Variants in SNTG1 observed in about 807,000 individuals in gnomAD.
The protein encoded by SNTG1 is syntrophin gamma 1.
A neutral mutation model predicts 74.7 loss-of-function variants in SNTG1; 39 were observed. The observed-to-expected ratio is 0.52, with a 90% CI of 0.40 to 0.68. SNTG1 has a LOEUF of 0.68. Ranked by LOEUF, SNTG1 falls within the 30% of genes least tolerant of loss-of-function variation. SNTG1 has a pLI of 0.00. For synonymous variants in SNTG1, 254 were observed against 217.1 expected (o/e 1.17, Z -1.49); for missense variants, 685 against 609.5 (o/e 1.12, Z -1.30).
At chr8:49,962,209 C>T (rs1256847326) in intron 1 of SNTG1, among the ~76,000 whole-genome samples, 1 of 151,764 alleles carries the variant, frequency 6.6e-6, no homozygotes, top group Non-Finnish European at 1.5e-5. Context: ...TCAGATGAGG[C>T]GGCTAGTTGG....
At chr8:50,509,877 CT>C (rs954210608) in intron 9 of SNTG1, among the ~76,000 whole-genome samples, 28 of 152,180 alleles carry the variant, frequency 1.8e-4, no homozygotes, top group African/African-American at 6.3e-4. Flanking sequence ...GACAATTTGA[CT>C]TCCTCTTTTC....
At chr8:50,620,128 G>A (rs2131038285) in intron 13 of SNTG1, among the ~76,000 whole-genome samples, 1 of 152,164 alleles carries the variant, frequency 6.6e-6, no homozygotes, top group South Asian at 2.1e-4. Flanking sequence ...TCCTATGACT[G>A]GCATCCTGCT....
At chr8:50,341,611 A>C (rs1587220285) in intron 2 of SNTG1, among the ~76,000 whole-genome samples, 1 of 152,050 alleles carries the variant, frequency 6.6e-6, no homozygotes, top group Non-Finnish European at 1.5e-5. Flanking sequence ...GGAAAGAAAA[A>C]ATTACCCAAC....
chr8:50,184,469 C>A (rs1267656466), intron 2 of SNTG1, among the ~76,000 whole-genome samples: 1 of 152,062 alleles, frequency 6.6e-6, no homozygotes, highest in Non-Finnish European at 1.5e-5. Context: ...CGGCCTACAT[C>A]TTAAAATTAA....
At chr8:50,566,427 A>G (rs1228972379) in intron 12 of SNTG1, among the ~76,000 whole-genome samples, 1 of 152,048 alleles carries the variant, frequency 6.6e-6, no homozygotes, top group Non-Finnish European at 1.5e-5. Context: ...AACCATTTCC[A>G]CAAGTCTCTA....
At chr8:50,748,943 A>T (rs2095561139) in intron 17 of SNTG1, among the ~76,000 whole-genome samples, 1 of 152,112 alleles carries the variant, frequency 6.6e-6, no homozygotes, top group East Asian at 2.0e-4. Context: ...CCTGCAATGG[A>T]CTTTCTAAGC....
intron 1 of SNTG1, among the ~76,000 whole-genome samples, chr8:49,976,554 A>C (rs954698289): frequency 6.6e-6 from 1 of 152,210 alleles, no homozygotes; most frequent in African/African-American, 2.4e-5. Flanking sequence ...TTTGGCACAG[A>C]ATATTTAAAT....
chr8:49,989,402 A>T (rs764967857), intron 1 of SNTG1, among the ~76,000 whole-genome samples: 5 of 151,956 alleles, frequency 3.3e-5, no homozygotes, highest in Admixed American at 6.5e-5. Flanking sequence ...TGACTCAAAA[A>T]ACAGAAAATC....
intron 2 of SNTG1, among the ~76,000 whole-genome samples, chr8:50,303,185 C>T (rs2089727587): frequency 6.6e-6 from 1 of 152,054 alleles, no homozygotes; most frequent in African/African-American, 2.4e-5. Flanking sequence ...TCACAATGGA[C>T]TCCCTGATTA....
At chr8:50,174,995 G>T (rs1415169179) in intron 2 of SNTG1, among the ~76,000 whole-genome samples, 1 of 151,768 alleles carries the variant, frequency 6.6e-6, no homozygotes, top group Non-Finnish European at 1.5e-5. Context: ...AGTTTGCTGA[G>T]AATGATGGTT....
chr8:50,498,749 C>CT (rs1413294562), intron 8 of SNTG1, among the ~76,000 whole-genome samples: 1 of 151,880 alleles, frequency 6.6e-6, no homozygotes, highest in Non-Finnish European at 1.5e-5. Context: ...TTGATTCACT[C>CT]TGAGTTAGTA....
rs1417463501 is a variant in SNTG1, at chr8:50,139,488, C to T, written c.-102-33073C>T. 2.0e-5 allele frequency among the ~76,000 whole-genome samples: 3 copies of T among 152,146 alleles called. No individual in the cohort carries two copies. The East Asian group carries it at 5.8e-4, about 29-fold the overall frequency. On this transcript the variant is annotated intron_variant, in intron 1 of 18. Transcript: ENST00000642720. ...CAATATGTAAGACGGTGTCATTAAC[C>T]TAGAAAACAGAATGCCTGTGTCATG...
upstream of SNTG1, among the ~76,000 whole-genome samples, chr8:49,910,573 G>A (rs940230429): frequency 6.6e-6 from 1 of 152,178 alleles, no homozygotes; most frequent in Non-Finnish European, 1.5e-5. Context: ...CCGTTGCCGA[G>A]TGTGGGTGGC....
intron 12 of SNTG1, among the ~76,000 whole-genome samples, chr8:50,560,749 C>G (rs116342082): frequency 0.034 from 5,126 of 152,102 alleles, 139 homozygotes; most frequent in African/African-American, 0.065. Flanking sequence ...TCAAGAAGAA[C>G]AGCTAATGGG....
At chr8:50,504,419 A>T (rs1013735661) in intron 9 of SNTG1, among the ~76,000 whole-genome samples, 3 of 152,110 alleles carry the variant, frequency 2.0e-5, no homozygotes, top group South Asian at 2.1e-4. Flanking sequence ...CAGTTTTGTA[A>T]TTTTATTTTA....
At chr8:50,173,057 A>G (rs1165927963) in intron 2 of SNTG1, among the ~76,000 whole-genome samples, 2 of 149,604 alleles carry the variant, frequency 1.3e-5, no homozygotes, top group Admixed American at 1.3e-4. Context: ...ATTTTCTGAG[A>G]AGGGCAGACA....
intron 2 of SNTG1, among the ~76,000 whole-genome samples, chr8:50,199,443 C>A (rs1381816433): frequency 6.6e-6 from 1 of 152,030 alleles, no homozygotes. Flanking sequence ...GTCTCGAACT[C>A]TTGACCTCAG....
At chr8:50,412,553 C>T (rs186835904) in intron 4 of SNTG1, among the ~76,000 whole-genome samples, 1 of 152,208 alleles carries the variant, frequency 6.6e-6, no homozygotes, top group East Asian at 1.9e-4. Context: ...AGGAGCTCAA[C>T]AAATAATATC....
chr8:50,202,688 C>A (rs2084033306), intron 2 of SNTG1, among the ~76,000 whole-genome samples: 1 of 151,954 alleles, frequency 6.6e-6, no homozygotes, highest in Admixed American at 6.6e-5. Flanking sequence ...AATAAGTTTT[C>A]ATTTAATTTG....
Sources: allele counts gnomAD v4.1 joint callset (sites outside exome capture counted in the v4.1 genomes callset), GRCh38; gene constraint gnomAD v4.1.1; transcripts MANE v1.5; gene names NCBI Gene and HGNC (gene_info 2026-07-23, HGNC 2026-07-21).